Variants in TRHDE observed in about 807,000 individuals in gnomAD.
TRHDE encodes the protein thyrotropin releasing hormone degrading enzyme.
A neutral mutation model predicts 125.7 loss-of-function variants in TRHDE; 72 were observed. The ratio of observed to expected loss-of-function variants is 0.57; its 90% CI spans 0.47 to 0.70. The LOEUF is 0.70. TRHDE is among the 30% of genes least tolerant of loss of function. The pLI is 0.00. For synonymous variants in TRHDE, 509 were observed against 509.1 expected, an observed-to-expected ratio of 1.00 and a Z score of 0.00; for missense variants, 1,110 against 1,327.1, an observed-to-expected ratio of 0.84 and a Z score of 2.54.
At chr12:72,636,178 T>C (rs967832721) in intron 15 of TRHDE, among the ~76,000 whole-genome samples, 6 of 152,162 alleles carry the variant, frequency 3.9e-5, no homozygotes, top group Non-Finnish European at 8.8e-5. Context: ...TTTTATTTCA[T>C]TGAGCAGTGG....
intron 12 of TRHDE, among the ~76,000 whole-genome samples, chr12:72,615,608 A>C (rs1872784204): frequency 6.6e-6 from 1 of 152,176 alleles, no homozygotes; most frequent in Admixed American, 6.6e-5. Context: ...GTAGGCTTAA[A>C]TGCAAGTATA....
At chr12:72,431,719 A>T (rs1874491075) in intron 3 of TRHDE, 1 of 151,582 alleles carries the variant, frequency 6.6e-6, no homozygotes, top group African/African-American at 2.4e-5. Context: ...GTGGCCTATT[A>T]TCTGTTTATT....
At chr12:72,195,278 A>G (rs1173451517) in intron 2 of TRHDE, among the ~76,000 whole-genome samples, 1 of 152,134 alleles carries the variant, frequency 6.6e-6, no homozygotes, top group East Asian at 1.9e-4. Flanking sequence ...AAACCACATC[A>G]CTGTGTCAAA....
intron 3 of TRHDE, among the ~76,000 whole-genome samples, chr12:72,379,111 GT>G (rs150944981): frequency 0.011 from 1,703 of 152,202 alleles, 15 homozygotes; most frequent in Non-Finnish European, 0.015. Flanking sequence ...AAAAGTTTTT[GT>G]GTTTGAACCA....
intron 3 of TRHDE, among the ~76,000 whole-genome samples, chr12:72,386,813 A>G (rs1872438063): frequency 6.6e-6 from 1 of 152,200 alleles, no homozygotes; most frequent in Admixed American, 6.6e-5. Context: ...GGCATCTGAC[A>G]CAATTGTTCT....
chr12:72,634,444 T>C (rs1024379815), intron 15 of TRHDE, among the ~76,000 whole-genome samples: 3 of 151,702 alleles, frequency 2.0e-5, no homozygotes, highest in Admixed American at 6.6e-5. Flanking sequence ...TTTTAACCAA[T>C]GCATGAGTTT....
chr12:72,413,459 T>C (rs1235702875), intron 3 of TRHDE, among the ~76,000 whole-genome samples: 2 of 123,610 alleles, frequency 1.6e-5, no homozygotes, highest in Admixed American at 7.7e-5. Flanking sequence ...ATATAGATTA[T>C]ATATGTAAAA....
intron 3 of TRHDE, among the ~76,000 whole-genome samples, chr12:72,388,484 A>G (rs1366978133): frequency 2.6e-5 from 4 of 152,178 alleles, no homozygotes; most frequent in African/African-American, 9.7e-5. Flanking sequence ...CCAAAGTGGC[A>G]CTCAATAAAT....
chr12:72,359,839 G>A (rs765186385), intron 2 of TRHDE, among the ~76,000 whole-genome samples: 1 of 151,554 alleles, frequency 6.6e-6, no homozygotes, highest in Non-Finnish European at 1.5e-5. Context: ...AAAAGGAAAG[G>A]GTATTGGTCT....
chr12:72,654,990 T>C (rs985716480), intron 17 of TRHDE, among the ~76,000 whole-genome samples: 1 of 152,200 alleles, frequency 6.6e-6, no homozygotes, highest in African/African-American at 2.4e-5. Context: ...CCTTAATATG[T>C]CCTCTGCATA....
intron 12 of TRHDE, among the ~76,000 whole-genome samples, chr12:72,593,497 AG>A (rs1871782715): frequency 6.6e-6 from 1 of 150,932 alleles, no homozygotes; most frequent in African/African-American, 2.4e-5. Flanking sequence ...TTTTTTTTTG[AG>A]AGGGAGTTTT....
intron 6 of TRHDE, among the ~76,000 whole-genome samples, chr12:72,540,251 A>G (rs1175354785): frequency 6.6e-6 from 1 of 151,776 alleles, no homozygotes; most frequent in East Asian, 1.9e-4. Flanking sequence ...GATGGGTAAC[A>G]TAGTCATATT....
chr12:72,605,396 C>A (rs1038879892), intron 12 of TRHDE, among the ~76,000 whole-genome samples: 1 of 151,920 alleles, frequency 6.6e-6, no homozygotes, highest in Non-Finnish European at 1.5e-5. Context: ...TAGCTTTGCC[C>A]TTTATTTCTT....
chr12:72,637,719 G>A (rs1873829009), intron 15 of TRHDE, among the ~76,000 whole-genome samples: 1 of 152,106 alleles, frequency 6.6e-6, no homozygotes, highest in Non-Finnish European at 1.5e-5. Context: ...GTTCTTGTTG[G>A]TTTCAAAGAA....
intron 6 of TRHDE, among the ~76,000 whole-genome samples, chr12:72,500,335 G>C (rs975824906): frequency 6.6e-6 from 1 of 152,064 alleles, no homozygotes; most frequent in African/African-American, 2.4e-5. Context: ...GTTAAAATAG[G>C]ATCAAAGTCT....
chr12:72,157,123 C>CTT (rs58371536), intron 2 of TRHDE, among the ~76,000 whole-genome samples: 1 of 143,644 alleles, frequency 7.0e-6, no homozygotes, highest in African/African-American at 2.5e-5. Context: ...TTTTCTTTTT[C>CTT]TTTTTTTTTT....
chr12:72,635,527 G>T (rs1006205170), intron 15 of TRHDE, among the ~76,000 whole-genome samples: 28 of 152,118 alleles, frequency 1.8e-4, no homozygotes, highest in East Asian at 1.2e-3. Flanking sequence ...TTTGTCAATT[G>T]TGGCTTTTGT....
intron 2 of TRHDE, among the ~76,000 whole-genome samples, chr12:72,372,999 A>G (rs1043465089): frequency 1.4e-4 from 21 of 152,102 alleles, no homozygotes; most frequent in African/African-American, 5.1e-4. Context: ...CATTTTCACG[A>G]TAGTGATTCT....
intron 1 of TRHDE, among the ~76,000 whole-genome samples, chr12:72,283,239 A>G (rs992242806): frequency 9.9e-5 from 15 of 152,196 alleles, no homozygotes; most frequent in African/African-American, 3.4e-4. Flanking sequence ...GTAAAAAGCT[A>G]TTTAGTGGTA....
Sources: gnomAD v4.1 joint callset for allele counts (sites outside exome capture counted in the v4.1 genomes callset) on GRCh38, gnomAD v4.1.1 for gene constraint, MANE v1.5 for transcripts, NCBI Gene and HGNC (gene_info 2026-07-23, HGNC 2026-07-21) for gene names.